The following PLPPR4 variants were observed in gnomAD, a reference collection of about 807,000 sequenced individuals.
PLPPR4 encodes phospholipid phosphatase related 4.
A neutral mutation model predicts 56.6 loss-of-function variants in PLPPR4; 24 were observed. That is an observed-to-expected ratio of 0.42 (90% CI 0.31 to 0.60). The LOEUF is 0.60. PLPPR4 is among the 20% of genes least tolerant of loss of function. PLPPR4 has a pLI of 0.13. For missense variants in PLPPR4, 654 were observed against 885.8 expected (o/e 0.74, Z 3.32); for synonymous variants, 326 against 328.1 (o/e 0.99, Z 0.07).
chr1:99,278,466 T>G (rs1436067528), intron 1 of PLPPR4, among the ~76,000 whole-genome samples: 1 of 152,158 alleles, frequency 6.6e-6, no homozygotes. Context: ...AATTTTTAAA[T>G]GTCAGCTGTA....
At chr1:99,264,754 C>T in intron 1 of PLPPR4, 83 bp downstream of exon 1, 1 of 1,453,904 alleles carries the variant, frequency 6.9e-7, no homozygotes, top group Admixed American at 2.0e-5. Context: ...GTGTTGGAGG[C>T]GCAGAGATCC....
At chr1:99,265,885 T>C (rs1314084616) in intron 1 of PLPPR4, among the ~76,000 whole-genome samples, 2 of 152,172 alleles carry the variant, frequency 1.3e-5, no homozygotes, top group African/African-American at 4.8e-5. Flanking sequence ...ATTTTTTAAA[T>C]AATTTCAGTT....
rs1660126124 is a variant in PLPPR4, at chr1:99,309,243, C to G, written c.*2233C>G. 1.3e-5 allele frequency: 2 copies of G among 152,398 alleles called. No individual in the cohort carries two copies. The highest frequency in any genetic ancestry group is 6.6e-5 in the Admixed American group (1 of 15,252). 9.4% of individuals were successfully genotyped at this position (152,398 alleles called of 1,614,324 possible). On this transcript the variant is annotated 3_prime_UTR_variant, in exon 7 of 7. Transcript: ENST00000370185. ...AAATTTGTTTACATTCCACTGGTAC[C>G]TTAATTTAAAATAAATCAGACTAAA... is the stretch of plus-strand genomic sequence containing the variant.
intron 1 of PLPPR4, among the ~76,000 whole-genome samples, chr1:99,271,252 GA>G (rs1388551607): frequency 3.9e-5 from 6 of 152,170 alleles, no homozygotes; most frequent in African/African-American, 1.2e-4. Flanking sequence ...CTACCCTACT[GA>G]GAAGGCATTG....
In PLPPR4 at chr1:99,306,273, G is replaced by C; in HGVS notation, c.1411G>C (p.Gly471Arg). The change falls in exon 7 of 7, where the codon GGG (glycine) becomes CGG (arginine). Residue 471 changes from glycine (G) to arginine (R), a missense_variant. Coordinates refer to ENST00000370185, the MANE Select transcript of PLPPR4 (RefSeq NM_014839.5). This position sits in a 1 kb window ranked among gnomAD's most constrained non-coding sequence, Gnocchi z 4.0. ...VPGCNNSMPG[G>R]PRVSIQSRPG... ...CGGATGTAACAACAGCATGCCTGGAGGGCCAAGAGTGTCCATTCAGTCCCG... is the reference window on the plus strand; with the variant it reads ...CGGATGTAACAACAGCATGCCTGGACGGCCAAGAGTGTCCATTCAGTCCCG... The C allele has an allele frequency of 6.2e-7, 1 of 1,614,172 alleles. No homozygotes were observed. The highest frequency in any genetic ancestry group is 8.5e-7 in the Non-Finnish European group (1 of 1,180,014).
chr1:99,281,678 C>T (rs1659330140), intron 1 of PLPPR4, among the ~76,000 whole-genome samples: 1 of 152,088 alleles, frequency 6.6e-6, no homozygotes, highest in Non-Finnish European at 1.5e-5. Flanking sequence ...TGACCTGTGA[C>T]AATCTTCTTC....
At chr1:99,295,443 A>G (rs1485410724) in intron 2 of PLPPR4, among the ~76,000 whole-genome samples, 2 of 152,176 alleles carry the variant, frequency 1.3e-5, no homozygotes, top group Admixed American at 6.5e-5. Context: ...GAGGTTTTCT[A>G]TGGAAAACCT....
rs530693615 is a variant in PLPPR4, at chr1:99,271,441, A to T, written c.78+6770A>T. On this transcript the variant is annotated intron_variant, in intron 1 of 6. Transcript: ENST00000370185. ...AACAACAATGCTAAACCTAGTGATG[A>T]AGTGCAATGGAGAGCCCTGTCTGTG... Among the ~76,000 whole-genome samples the T allele has an allele frequency of 2.0e-5, 3 of 152,256 alleles. No individual in the cohort carries two copies. The East Asian group carries it at 5.8e-4, about 29-fold the overall frequency.
chr1:99,272,772 GT>G (rs1659088926), intron 1 of PLPPR4, among the ~76,000 whole-genome samples: 1 of 152,078 alleles, frequency 6.6e-6, no homozygotes, highest in South Asian at 2.1e-4. Context: ...TATGTCATCA[GT>G]TATGGAATAG....
At chr1:99,292,082 T>C (rs1464915028) in intron 2 of PLPPR4, among the ~76,000 whole-genome samples, 2 of 152,190 alleles carry the variant, frequency 1.3e-5, no homozygotes, top group African/African-American at 2.4e-5. Context: ...CTTAACATAC[T>C]ACACAAATGA....
chr1:99,271,788 G>A (rs1033330201), intron 1 of PLPPR4, among the ~76,000 whole-genome samples: 4 of 151,966 alleles, frequency 2.6e-5, no homozygotes, highest in Non-Finnish European at 5.9e-5. Flanking sequence ...GAATATGTAG[G>A]TGTGTCCAAA....
chr1:99,304,743 T>G (rs1361802945), intron 6 of PLPPR4, among the ~76,000 whole-genome samples: 1 of 152,228 alleles, frequency 6.6e-6, no homozygotes, highest in Non-Finnish European at 1.5e-5. Flanking sequence ...TCAATATTTT[T>G]TTGTTTTGAA....
intron 2 of PLPPR4, among the ~76,000 whole-genome samples, chr1:99,293,967 A>G (rs1456180): frequency 0.41 from 62,657 of 151,904 alleles, 13,720 homozygotes; most frequent in Middle Eastern, 0.57. Context: ...GGTTGGGTAC[A>G]GCACAAAACA....
chr1:99,285,643 T>C (rs1659445555), intron 1 of PLPPR4, among the ~76,000 whole-genome samples: 2 of 152,238 alleles, frequency 1.3e-5, no homozygotes, highest in South Asian at 4.1e-4. Context: ...AACCTAATTA[T>C]TTCCTAACTA....
At chr1:99,266,064 T>A (rs1405049892) in intron 1 of PLPPR4, among the ~76,000 whole-genome samples, 2 of 152,218 alleles carry the variant, frequency 1.3e-5, no homozygotes, top group African/African-American at 4.8e-5. Flanking sequence ...GTTTAGGTAA[T>A]TTTTGTTGAA....
intron 1 of PLPPR4, among the ~76,000 whole-genome samples, chr1:99,268,019 C>T (rs368813277): frequency 4.6e-5 from 7 of 152,266 alleles, no homozygotes; most frequent in South Asian, 2.1e-4. Flanking sequence ...AAACAACTTG[C>T]CCAATTTTAT....
At position 99,306,659 on chromosome 1, in the gene PLPPR4, G is replaced by A; in HGVS notation, c.1797G>A (p.Trp599Ter). 6.2e-7 allele frequency: 1 copy of A among 1,614,148 alleles called. No individual in the cohort carries two copies. Among genetic ancestry groups the A allele is most frequent in the Non-Finnish European group, 8.5e-7 (1 of 1,180,014 alleles). The change falls in exon 7 of 7, where the codon TGG becomes TGA. Residue 599 changes from tryptophan to a stop codon, truncating the protein, a stop_gained. Coordinates refer to ENST00000370185, the MANE Select transcript of PLPPR4 (RefSeq NM_014839.5). LOFTEE classifies it high-confidence loss of function. The surrounding 1 kb of genome is among the most constrained non-coding windows in gnomAD (Gnocchi z 4.0). ...CTGAAGGTGAAGGCAGTGGCTCCTG[G>A]AAGTGGAAAGCCCCTGAAAAGGGCA... ...PSTEGEGSGS[W>*]KWKAPEKGSL...
chr1:99,291,228 C>T (rs1319509798), intron 2 of PLPPR4, among the ~76,000 whole-genome samples: 3 of 152,086 alleles, frequency 2.0e-5, no homozygotes, highest in East Asian at 1.9e-4. Context: ...CAAATCAAAA[C>T]GAAAATGACA....
intron 2 of PLPPR4, among the ~76,000 whole-genome samples, chr1:99,295,943 A>G (rs1659729082): frequency 2.0e-5 from 3 of 152,210 alleles, no homozygotes; most frequent in African/African-American, 7.2e-5. Context: ...ATGTGATTCA[A>G]TTTAGGGTAC....
Sources: gnomAD v4.1 joint callset for allele counts (sites outside exome capture counted in the v4.1 genomes callset) on GRCh38, gnomAD v4.1.1 for gene constraint, Gnocchi (gnomAD v3.1) non-coding constraint, MANE v1.5 for transcripts, NCBI Gene and HGNC (gene_info 2026-07-23, HGNC 2026-07-21) for gene names.